Variants in SGCD observed in about 807,000 individuals in gnomAD.
The protein encoded by SGCD is sarcoglycan delta.
In SGCD, 18 loss-of-function variants were observed where a neutral mutation model predicts 36.6. The observed-to-expected ratio is 0.49, with a 90% CI of 0.34 to 0.73. The LOEUF (loss-of-function observed/expected upper bound fraction) is 0.73, where lower values mean the gene tolerates loss of function less well. Ranked by LOEUF, SGCD falls within the 30% of genes least tolerant of loss-of-function variation. The pLI, the probability that SGCD is intolerant of heterozygous loss-of-function variation, is 0.01. For missense variants in SGCD, 387 were observed against 346.7 expected (o/e 1.12, Z -0.92); for synonymous variants, 133 against 130.6 (o/e 1.02, Z -0.12).
At chr5:156,737,101 A>T (rs1275302536) in intron 7 of SGCD, among the ~76,000 whole-genome samples, 1 of 152,210 alleles carries the variant, frequency 6.6e-6, no homozygotes, top group African/African-American at 2.4e-5. Context: ...ATTTAAAATG[A>T]TATATATTAT....
intron 6 of SGCD, among the ~76,000 whole-genome samples, chr5:156,637,843 A>G (rs542824403): frequency 6.6e-6 from 1 of 152,294 alleles, no homozygotes; most frequent in East Asian, 1.9e-4. Flanking sequence ...ACAGGACTGT[A>G]TTCCGAAATT....
At chr5:156,236,427 A>G (rs1339951726) in intron 3 of SGCD, among the ~76,000 whole-genome samples, 1 of 151,928 alleles carries the variant, frequency 6.6e-6, no homozygotes, top group African/African-American at 2.4e-5. Context: ...ACTGAATTAC[A>G]GGTGGATAAT....
intron 3 of SGCD, among the ~76,000 whole-genome samples, chr5:156,256,429 C>G (rs987681827): frequency 6.6e-6 from 1 of 152,158 alleles, no homozygotes. Context: ...CAGACAGTAT[C>G]TACTCATTTA....
intron 3 of SGCD, among the ~76,000 whole-genome samples, chr5:156,157,099 C>G (rs1762980949): frequency 6.6e-6 from 1 of 151,604 alleles, no homozygotes; most frequent in Admixed American, 6.6e-5. Flanking sequence ...TTGTTAAAGA[C>G]AGGATTCTGA....
chr5:155,770,962 T>C, the SGCD span, among the ~76,000 whole-genome samples: 1,389 of 152,278 alleles, frequency 9.1e-3, 20 homozygotes, highest in African/African-American at 0.032. Flanking sequence ...AACCTTCGTT[T>C]AAATCCCACT....
At chr5:155,889,060 T>A (rs1168824576) in intron 1 of SGCD, among the ~76,000 whole-genome samples, 1 of 152,218 alleles carries the variant, frequency 6.6e-6, no homozygotes, top group Non-Finnish European at 1.5e-5. Context: ...TCAATTCAAA[T>A]GGTGTATTAT....
chr5:156,712,414 T>G (rs1755033205), intron 7 of SGCD, among the ~76,000 whole-genome samples: 1 of 152,216 alleles, frequency 6.6e-6, no homozygotes, highest in Non-Finnish European at 1.5e-5. Context: ...ACTGTCTTCA[T>G]CTTATGAAGT....
At chr5:156,528,264 G>T (rs1178358599) in intron 4 of SGCD, among the ~76,000 whole-genome samples, 2 of 152,076 alleles carry the variant, frequency 1.3e-5, no homozygotes, top group African/African-American at 4.8e-5. Flanking sequence ...CATAATAATA[G>T]CACTATCTCA....
At chr5:156,186,567 T>G (rs1229846896) in intron 3 of SGCD, among the ~76,000 whole-genome samples, 1 of 152,182 alleles carries the variant, frequency 6.6e-6, no homozygotes, top group Non-Finnish European at 1.5e-5. Context: ...ATTGTATTGC[T>G]CCTGAGGCAT....
intron 1 of SGCD, among the ~76,000 whole-genome samples, chr5:155,896,999 T>C (rs997298699): frequency 6.6e-6 from 1 of 152,248 alleles, no homozygotes; most frequent in Non-Finnish European, 1.5e-5. Context: ...TATTAGAGTA[T>C]AATGCTCATA....
intron 1 of SGCD, among the ~76,000 whole-genome samples, chr5:155,986,373 T>C (rs1412407776): frequency 6.6e-6 from 1 of 152,244 alleles, no homozygotes; most frequent in Non-Finnish European, 1.5e-5. Flanking sequence ...TCTTCCAGCC[T>C]ATGTGACAGC....
rs566694557 is a variant in SGCD, at chr5:156,610,537, C to T, written c.502+15486C>T. ...CTGTCCGTTCTCAGATCTCCAGCTG[C>T]GTGCTGGGAGAACCACTACTCTCTT... On this transcript the variant is annotated intron_variant, in intron 6 of 8. Coordinates refer to ENST00000337851, the MANE Select transcript of SGCD (RefSeq NM_000337.6). 1.2e-4 allele frequency among the ~76,000 whole-genome samples: 19 copies of T among 152,332 alleles called. No homozygotes were observed. In the South Asian group the frequency reaches 2.7e-3, roughly 22 times the overall value.
chr5:156,681,085 C>T (rs906159538), intron 7 of SGCD, among the ~76,000 whole-genome samples: 8 of 152,164 alleles, frequency 5.3e-5, no homozygotes, highest in Non-Finnish European at 1.0e-4. Context: ...CTGCCATCTG[C>T]GGAGGGCCAA....
chr5:155,852,904 C>G, the SGCD span, among the ~76,000 whole-genome samples: 1 of 152,018 alleles, frequency 6.6e-6, no homozygotes, highest in Non-Finnish European at 1.5e-5. Context: ...TGGTCTGAAT[C>G]TTGATTTCCG....
the SGCD span, among the ~76,000 whole-genome samples, chr5:155,799,120 G>T: frequency 6.6e-6 from 1 of 152,042 alleles, no homozygotes; most frequent in African/African-American, 2.4e-5. Flanking sequence ...ATACTTGTTG[G>T]TATACTTTTT....
At chr5:156,542,207 T>C (rs1474198208) in intron 4 of SGCD, among the ~76,000 whole-genome samples, 2 of 152,070 alleles carry the variant, frequency 1.3e-5, no homozygotes, top group African/African-American at 4.8e-5. Flanking sequence ...ACAGGTGCAA[T>C]TGGGAAGATG....
intron 4 of SGCD, among the ~76,000 whole-genome samples, chr5:156,557,714 A>G (rs974954316): frequency 6.6e-6 from 1 of 152,068 alleles, no homozygotes; most frequent in Admixed American, 6.6e-5. Flanking sequence ...TTAACTTAAA[A>G]CAGAGTAGCC....
At chr5:156,536,159 T>C (rs1758101114) in intron 4 of SGCD, among the ~76,000 whole-genome samples, 2 of 152,156 alleles carry the variant, frequency 1.3e-5, no homozygotes, top group African/African-American at 2.4e-5. Context: ...TGAGATCTTA[T>C]GGGTCAAGAA....
chr5:155,830,017 T>A, the SGCD span, among the ~76,000 whole-genome samples: 1 of 152,164 alleles, frequency 6.6e-6, no homozygotes, highest in Admixed American at 6.5e-5. Flanking sequence ...CATTTCTATG[T>A]CACAGATGAG....
Sources: gnomAD v4.1 joint callset for allele counts (sites outside exome capture counted in the v4.1 genomes callset) on GRCh38, gnomAD v4.1.1 for gene constraint, MANE v1.5 for transcripts, NCBI Gene and HGNC (gene_info 2026-07-23, HGNC 2026-07-21) for gene names.